Variants in DGKB observed in about 807,000 individuals in gnomAD.
DGKB encodes diacylglycerol kinase beta, also known as 90 kDa diacylglycerol kinase.
A neutral mutation model predicts 114.3 loss-of-function variants in DGKB; 67 were observed. The ratio of observed to expected loss-of-function variants is 0.59; its 90% CI spans 0.48 to 0.72. DGKB has a LOEUF of 0.72. DGKB is among the 30% of genes least tolerant of loss of function. DGKB has a pLI of 0.00. For synonymous variants in DGKB, 398 were observed against 323.1 expected (o/e 1.23, Z -2.49); for missense variants, 907 against 975.2 (o/e 0.93, Z 0.93).
Position 14,685,237 on chromosome 7 carries a change from G to A in DGKB, c.829+8C>T. On this transcript the variant is annotated splice_region_variant and intron_variant, in intron 10 of 25. Coordinates refer to ENST00000402815, the MANE Select transcript of DGKB (RefSeq NM_001350709.2). Reference sequence around the variant, plus strand: ...GAGATGATGTCCAGGCAGAGCAAATGTACTCACAGGAACAGCAGAGGCCCT... The same window carrying A: ...GAGATGATGTCCAGGCAGAGCAAATATACTCACAGGAACAGCAGAGGCCCT... 1 of 1,589,938 alleles carries A rather than the reference G, an allele frequency of 6.3e-7. No homozygotes were observed.
chr7:14,440,538 C>T (rs919720764), intron 21 of DGKB, among the ~76,000 whole-genome samples: 34 of 152,094 alleles, frequency 2.2e-4, no homozygotes, highest in Non-Finnish European at 3.4e-4. Flanking sequence ...AAATGTGGGT[C>T]TGTGAGATAC....
At chr7:14,231,729 C>T (rs1304905934) in intron 23 of DGKB, among the ~76,000 whole-genome samples, 1 of 151,804 alleles carries the variant, frequency 6.6e-6, no homozygotes, top group East Asian at 1.9e-4. Context: ...ATACTGTGTT[C>T]TATTCCCTAA....
chr7:14,251,988 T>A (rs1361480470), intron 23 of DGKB, among the ~76,000 whole-genome samples: 1 of 152,232 alleles, frequency 6.6e-6, no homozygotes, highest in Non-Finnish European at 1.5e-5. Flanking sequence ...TCTTTATGTT[T>A]AATCTATTTG....
At position 14,154,174 on chromosome 7, in the gene DGKB, T is replaced by C. The variant is rs764538957; in HGVS notation, c.2305-4936A>G. On this transcript the variant is annotated intron_variant, in intron 25 of 25. Transcript: ENST00000402815. ...TAGATAAATTGATATGGTAGAGTTT[T>C]GTCTTTTTTTTTTTTTTTTTTTTAA... is the stretch of plus-strand genomic sequence containing the variant. Among the ~76,000 whole-genome samples, 628 of 118,272 alleles carry C rather than the reference T, an allele frequency of 5.3e-3. 3 individuals are homozygous for C. The highest frequency in any genetic ancestry group is 8.4e-3 in the Non-Finnish European group (513 of 60,924). 77.6% of individuals were successfully genotyped at this position (118,272 alleles called of 152,430 possible).
intron 23 of DGKB, among the ~76,000 whole-genome samples, chr7:14,265,246 G>A (rs866727437): frequency 6.7e-6 from 1 of 148,514 alleles, no homozygotes; most frequent in African/African-American, 2.5e-5. Flanking sequence ...GGTTTGGCTC[G>A]GGCTTACTTC....
intron 21 of DGKB, among the ~76,000 whole-genome samples, chr7:14,432,449 T>G (rs1330161401): frequency 6.6e-6 from 1 of 152,158 alleles, no homozygotes. Flanking sequence ...CAGGATATAC[T>G]CCTAAATTAA....
chr7:14,586,783 C>T (rs140573850), intron 17 of DGKB, among the ~76,000 whole-genome samples: 26 of 151,452 alleles, frequency 1.7e-4, no homozygotes, highest in Middle Eastern at 6.8e-3. Flanking sequence ...TGGAACAAAG[C>T]GTGAGGGATA....
intron 17 of DGKB, among the ~76,000 whole-genome samples, chr7:14,596,153 T>C (rs1451622578): frequency 6.6e-6 from 1 of 152,128 alleles, no homozygotes; most frequent in Non-Finnish European, 1.5e-5. Flanking sequence ...GTAGAGCTGA[T>C]ATAGGCTGTG....
chr7:14,608,039 T>C (rs956243171), intron 16 of DGKB, among the ~76,000 whole-genome samples: 1 of 151,956 alleles, frequency 6.6e-6, no homozygotes. Flanking sequence ...ATAAACAAGA[T>C]CTTGACCAGT....
intron 21 of DGKB, among the ~76,000 whole-genome samples, chr7:14,451,521 T>G (rs2128840109): frequency 6.7e-6 from 1 of 148,988 alleles, no homozygotes. Context: ...GTGAGCCAAT[T>G]CCTTATAATA....
At chr7:14,252,503 G>A (rs1257546048) in intron 23 of DGKB, among the ~76,000 whole-genome samples, 1 of 152,140 alleles carries the variant, frequency 6.6e-6, no homozygotes, top group Admixed American at 6.5e-5. Flanking sequence ...CAGAGATTCT[G>A]GATGAGGTTC....
At chr7:14,947,488 T>C (rs563238116) in intron 1 of DGKB, among the ~76,000 whole-genome samples, 1 of 139,102 alleles carries the variant, frequency 7.2e-6, no homozygotes, top group Admixed American at 7.3e-5. Context: ...AACTGAAGCA[T>C]TTATGTTAAA....
intron 6 of DGKB, among the ~76,000 whole-genome samples, chr7:14,705,769 A>C (rs1585833038): frequency 6.6e-6 from 1 of 152,026 alleles, no homozygotes; most frequent in Non-Finnish European, 1.5e-5. Context: ...AAATGCTAAG[A>C]GATTTTGTCA....
chr7:14,295,414 G>A (rs535198467), intron 23 of DGKB, among the ~76,000 whole-genome samples: 3 of 152,114 alleles, frequency 2.0e-5, no homozygotes, highest in Non-Finnish European at 2.9e-5. Flanking sequence ...AAGGAGCTTC[G>A]GGGGCCAAAA....
chr7:14,686,644 C>T (rs1327860464), intron 9 of DGKB, among the ~76,000 whole-genome samples: 4 of 152,084 alleles, frequency 2.6e-5, no homozygotes, highest in Non-Finnish European at 5.9e-5. Context: ...TCCTAACTAC[C>T]TTTCCTATTC....
At chr7:14,293,204 A>C (rs187000670) in intron 23 of DGKB, among the ~76,000 whole-genome samples, 122 of 152,310 alleles carry the variant, frequency 8.0e-4, no homozygotes, top group Non-Finnish European at 1.4e-3. Flanking sequence ...TTTGGGAATA[A>C]AGTTTCTTTT....
intron 17 of DGKB, among the ~76,000 whole-genome samples, chr7:14,601,427 C>A (rs1034493481): frequency 2.6e-5 from 4 of 152,122 alleles, no homozygotes; most frequent in African/African-American, 7.2e-5. Flanking sequence ...ATTCTAGATT[C>A]CTTCTAGACA....
At chr7:14,473,813 T>C (rs12668508) in intron 21 of DGKB, among the ~76,000 whole-genome samples, 3,108 of 152,272 alleles carry the variant, frequency 0.02, 124 homozygotes, top group Admixed American at 0.092. Flanking sequence ...CCCCACTGGA[T>C]TTTGCAGTTG....
intron 20 of DGKB, among the ~76,000 whole-genome samples, chr7:14,549,840 T>C (rs1794850899): frequency 6.6e-6 from 1 of 151,978 alleles, no homozygotes; most frequent in South Asian, 2.1e-4. Context: ...ATATAAAAAT[T>C]AGCTGGGCGT....
Sources: gnomAD v4.1 joint callset for allele counts (sites outside exome capture counted in the v4.1 genomes callset) on GRCh38, gnomAD v4.1.1 for gene constraint, MANE v1.5 for transcripts, NCBI Gene and HGNC (gene_info 2026-07-23, HGNC 2026-07-21) for gene names.